The following LDLRAD4 variants were observed in gnomAD, a reference collection of about 807,000 sequenced individuals.
LDLRAD4 encodes the protein low density lipoprotein receptor class A domain containing 4, also known as low-density lipoprotein receptor class A domain-containing protein 4.
A neutral mutation model predicts 17.0 loss-of-function variants in LDLRAD4; 5 were observed. That is an observed-to-expected ratio of 0.29 (90% CI 0.15 to 0.62). The LOEUF is 0.62. Among genes scored for constraint, LDLRAD4 ranks in the 20% least tolerant of loss-of-function variants. The pLI is 0.84. For synonymous variants in LDLRAD4, 168 were observed against 171.8 expected (o/e 0.98, Z 0.17); for missense variants, 340 against 424.7 (o/e 0.80, Z 1.75).
At chr18:13,635,992 G>A (rs1375050055) in intron 4 of LDLRAD4, among the ~76,000 whole-genome samples, 3 of 151,458 alleles carry the variant, frequency 2.0e-5, no homozygotes, top group East Asian at 3.8e-4. Context: ...GTGGATATCG[G>A]CTAGGGACTG....
At chr18:13,628,290 A>G (rs986077083) in intron 4 of LDLRAD4, among the ~76,000 whole-genome samples, 5 of 152,306 alleles carry the variant, frequency 3.3e-5, no homozygotes, top group South Asian at 2.1e-4. Flanking sequence ...ACTCCAGACT[A>G]AAGAAAAGAG....
intron 1 of LDLRAD4, among the ~76,000 whole-genome samples, chr18:13,374,684 G>A (rs2084772312): frequency 6.6e-6 from 1 of 152,216 alleles, no homozygotes; most frequent in Non-Finnish European, 1.5e-5. Flanking sequence ...ATTGGTCTGG[G>A]GTGATTCTGC....
At chr18:13,475,673 G>A (rs909440456) in intron 3 of LDLRAD4, among the ~76,000 whole-genome samples, 9 of 152,170 alleles carry the variant, frequency 5.9e-5, no homozygotes, top group Non-Finnish European at 2.9e-5. Context: ...CTTGTGAACA[G>A]CCAACAAGAC....
intron 3 of LDLRAD4, among the ~76,000 whole-genome samples, chr18:13,602,491 T>G (rs926431767): frequency 1.4e-4 from 19 of 131,990 alleles, no homozygotes; most frequent in Admixed American, 5.2e-4. Flanking sequence ...CCATGGCATT[T>G]AATTTTTTTT....
chr18:13,558,565 T>C (rs1240368968), intron 3 of LDLRAD4, among the ~76,000 whole-genome samples: 1 of 152,194 alleles, frequency 6.6e-6, no homozygotes. Context: ...GGGATATGGG[T>C]AGCAAATTTT....
chr18:13,647,930 C>T (rs367837598), exon 6 of LDLRAD4: 2 of 152,220 alleles, frequency 1.3e-5, no homozygotes, highest in African/African-American at 2.4e-5. Context: ...CTGGAGACAC[C>T]CTGAAGGTTC....
chr18:13,358,340 AT>A (rs1403677383), intron 1 of LDLRAD4, among the ~76,000 whole-genome samples: 1 of 151,846 alleles, frequency 6.6e-6, no homozygotes, highest in African/African-American at 2.4e-5. Flanking sequence ...TATCTAGATT[AT>A]TTTATATATA....
intron 3 of LDLRAD4, among the ~76,000 whole-genome samples, chr18:13,564,593 A>C (rs1296552044): frequency 6.6e-6 from 1 of 151,130 alleles, no homozygotes; most frequent in Non-Finnish European, 1.5e-5. Flanking sequence ...AAAAAAAAAA[A>C]AAAAAAAAAA....
intron 1 of LDLRAD4, among the ~76,000 whole-genome samples, chr18:13,284,039 C>T (rs1009153796): frequency 6.6e-6 from 1 of 152,118 alleles, no homozygotes; most frequent in African/African-American, 2.4e-5. Flanking sequence ...CCGCTGGGTC[C>T]CTCCCACGAT....
intron 1 of LDLRAD4, among the ~76,000 whole-genome samples, chr18:13,297,917 G>T (rs1320767724): frequency 1.3e-5 from 2 of 152,260 alleles, no homozygotes; most frequent in African/African-American, 4.8e-5. Context: ...CTGGGGCCAG[G>T]ATTTGGACTG....
intron 1 of LDLRAD4, among the ~76,000 whole-genome samples, chr18:13,315,169 C>T (rs550170127): frequency 8.4e-4 from 128 of 152,190 alleles, no homozygotes; most frequent in Admixed American, 1.7e-3. Context: ...CACAAAAGAC[C>T]GGGACTCAGC....
intron 1 of LDLRAD4, among the ~76,000 whole-genome samples, chr18:13,342,255 A>G (rs1046060047): frequency 1.3e-5 from 2 of 152,056 alleles, no homozygotes; most frequent in African/African-American, 4.8e-5. Flanking sequence ...TCATACAATA[A>G]GTTAGAAAAC....
intron 1 of LDLRAD4, among the ~76,000 whole-genome samples, chr18:13,278,769 G>T (rs756661709): frequency 6.6e-6 from 1 of 152,086 alleles, no homozygotes; most frequent in African/African-American, 2.4e-5. Flanking sequence ...CCTCTCTCCC[G>T]CTTGTCTTCC....
intron 3 of LDLRAD4, among the ~76,000 whole-genome samples, chr18:13,525,748 C>G (rs1382913307): frequency 6.6e-6 from 1 of 152,220 alleles, no homozygotes; most frequent in Non-Finnish European, 1.5e-5. Context: ...GAGAGTGGCA[C>G]CTGTAAGTGG....
intron 1 of LDLRAD4, among the ~76,000 whole-genome samples, chr18:13,232,085 TGA>T (rs1042397698): frequency 7.0e-4 from 106 of 152,338 alleles, no homozygotes; most frequent in African/African-American, 2.4e-3. Context: ...TCAAGGGGAC[TGA>T]GGGGGCACCC....
At chr18:13,649,185 GCCT>G (rs930555079) in exon 6 of LDLRAD4, 1 of 152,194 alleles carries the variant, frequency 6.6e-6, no homozygotes, top group African/African-American at 2.4e-5. Flanking sequence ...AATGGGGGAG[GCCT>G]CCTGACACCA....
chr18:13,284,132 T>C (rs532527852), intron 1 of LDLRAD4, among the ~76,000 whole-genome samples: 6 of 152,218 alleles, frequency 3.9e-5, no homozygotes, highest in East Asian at 1.9e-4. Context: ...AAGAGTGGCA[T>C]TGAGAAAATC....
intron 3 of LDLRAD4, chr18:13,490,005 A>T (rs1568242487): frequency 1.3e-5 from 2 of 152,112 alleles, no homozygotes; most frequent in Non-Finnish European, 2.9e-5. Context: ...CCCCACTTGG[A>T]AGAGACATGG....
intron 1 of LDLRAD4, among the ~76,000 whole-genome samples, chr18:13,348,149 T>G (rs538720921): frequency 4.2e-4 from 64 of 152,350 alleles, no homozygotes; most frequent in African/African-American, 1.4e-3. Flanking sequence ...AGAGGTGCTC[T>G]GATTTTTAGA....
Sources: allele counts gnomAD v4.1 joint callset (sites outside exome capture counted in the v4.1 genomes callset), GRCh38; gene constraint gnomAD v4.1.1; transcripts MANE v1.5; gene names NCBI Gene and HGNC (gene_info 2026-07-23, HGNC 2026-07-21).